CAST: variants seen among roughly 807,000 people sequenced by gnomAD.
CAST encodes the protein calpastatin.
CAST carries 76 observed loss-of-function variants against 119.6 expected under a neutral mutation model. The ratio of observed to expected loss-of-function variants is 0.64; its 90% CI spans 0.53 to 0.77. The LOEUF is 0.77. Ranked by LOEUF, CAST falls within the 30% of genes least tolerant of loss-of-function variation. The pLI is 0.00. For synonymous variants in CAST, 319 were observed against 331.6 expected (o/e 0.96, Z 0.41); for missense variants, 953 against 946.5 (o/e 1.01, Z -0.09).
At chr5:96,704,069 A>G (rs1244530819) in intron 3 of CAST, among the ~76,000 whole-genome samples, 1 of 152,186 alleles carries the variant, frequency 6.6e-6, no homozygotes, top group Non-Finnish European at 1.5e-5. Context: ...AGGAAAGGCC[A>G]CACCTGTAGA....
In CAST at chr5:96,554,882, T is replaced by C. The variant is rs1746203857; in HGVS notation, c.60+25002T>C. Among the ~76,000 whole-genome samples, 4 of 152,258 alleles carry C rather than the reference T, an allele frequency of 2.6e-5. No individual in the cohort carries two copies. In the South Asian group the frequency reaches 8.3e-4, roughly 32 times the overall value. On this transcript the variant is annotated intron_variant, in intron 1 of 11. Transcript: ENST00000505143. ...CATCTCACAGCAGTTAGAATTGGGA[T>C]CATTAAAAAGTCAGGAAACAACAGA...
At chr5:96,720,464 G>A (rs767379559) in intron 3 of CAST, among the ~76,000 whole-genome samples, 6 of 152,324 alleles carry the variant, frequency 3.9e-5, no homozygotes, top group Non-Finnish European at 8.8e-5. Flanking sequence ...AGCCAGAATC[G>A]AATGGATTAA....
chr5:96,518,834 G>A, the CAST span, among the ~76,000 whole-genome samples: 1 of 152,114 alleles, frequency 6.6e-6, no homozygotes, highest in African/African-American at 2.4e-5. Flanking sequence ...CCAAGATGGT[G>A]AAACCCCATT....
the CAST span, among the ~76,000 whole-genome samples, chr5:96,087,387 C>G: frequency 8.5e-5 from 13 of 152,200 alleles, no homozygotes; most frequent in Non-Finnish European, 1.8e-4. Context: ...TAATTTTTTT[C>G]CATTTTTTTA....
intron 30 of CAST, among the ~76,000 whole-genome samples, chr5:96,771,292 A>C (rs1772217348): frequency 6.6e-6 from 1 of 152,176 alleles, no homozygotes. Flanking sequence ...CTTTATGATG[A>C]GTGGATTTAC....
At chr5:96,760,594 T>C (rs1432609952) in intron 24 of CAST, among the ~76,000 whole-genome samples, 17 of 151,920 alleles carry the variant, frequency 1.1e-4, no homozygotes, top group Non-Finnish European at 2.9e-5. Context: ...TTGAATATAT[T>C]TGTGGATAGC....
intron 1 of CAST, among the ~76,000 whole-genome samples, chr5:96,534,452 C>T (rs984190959): frequency 1.4e-5 from 2 of 143,956 alleles, no homozygotes; most frequent in South Asian, 2.3e-4. Flanking sequence ...GGGCGGATTA[C>T]GAGGTCAAGA....
the CAST span, among the ~76,000 whole-genome samples, chr5:96,019,234 A>G: frequency 7.2e-5 from 11 of 152,186 alleles, no homozygotes; most frequent in Non-Finnish European, 1.3e-4. Flanking sequence ...GATCTCTACT[A>G]TTATTGTTAA....
chr5:96,654,473 T>C (rs771125787), intron 1 of CAST, among the ~76,000 whole-genome samples: 7 of 152,226 alleles, frequency 4.6e-5, no homozygotes, highest in Non-Finnish European at 1.0e-4. Flanking sequence ...GCATAGCTAC[T>C]GTATATTACC....
intron 1 of CAST, among the ~76,000 whole-genome samples, chr5:96,616,275 T>C (rs544226029): frequency 1.3e-5 from 2 of 152,288 alleles, no homozygotes; most frequent in African/African-American, 4.8e-5. Context: ...TCTTCATCCA[T>C]AGCTCTAGAA....
At position 96,598,616 on chromosome 5, in the gene CAST, A is replaced by G. The variant is rs142801663; in HGVS notation, c.60+68736A>G. Among the ~76,000 whole-genome samples the G allele has an allele frequency of 9.5e-3, 1,451 of 152,288 alleles. 26 individuals carry two copies. The highest frequency in any genetic ancestry group is 0.033 in the African/African-American group (1,368 of 41,522). ...CGTTTTTCTATGAGAAAAATGGAAAATAATCACTGAGATAGTTAATTTTAT... is the reference window on the plus strand; with the variant it reads ...CGTTTTTCTATGAGAAAAATGGAAAGTAATCACTGAGATAGTTAATTTTAT... On this transcript the variant is annotated intron_variant, in intron 1 of 11. Coordinates refer to the CAST transcript ENST00000505143.
At chr5:96,449,028 T>C in the CAST span, among the ~76,000 whole-genome samples, 2 of 152,186 alleles carry the variant, frequency 1.3e-5, no homozygotes, top group Admixed American at 6.5e-5. Flanking sequence ...ATCCAGCTTC[T>C]CCAAGACAAT....
chr5:96,509,044 T>C, the CAST span, among the ~76,000 whole-genome samples: 1 of 152,230 alleles, frequency 6.6e-6, no homozygotes, highest in African/African-American at 2.4e-5. Flanking sequence ...CACAGGTAAG[T>C]GATATCATTG....
chr5:96,229,430 T>C, the CAST span, among the ~76,000 whole-genome samples: 1 of 151,938 alleles, frequency 6.6e-6, no homozygotes, highest in South Asian at 2.1e-4. Flanking sequence ...AAAGCATCCA[T>C]TGGAAAAAAA....
At chr5:96,561,796 GTTTT>G in intron 1 of CAST, among the ~76,000 whole-genome samples, 1 of 97,422 alleles carries the variant, frequency 1.0e-5, no homozygotes, top group East Asian at 3.6e-4. Flanking sequence ...GTTTTTTTTT[GTTTT>G]TTTTTTTTTT....
At chr5:96,222,138 C>T in the CAST span, among the ~76,000 whole-genome samples, 2 of 152,066 alleles carry the variant, frequency 1.3e-5, no homozygotes, top group African/African-American at 4.8e-5. Flanking sequence ...AAATGTAGGA[C>T]ATGAAACTAT....
At chr5:96,456,975 G>T in the CAST span, among the ~76,000 whole-genome samples, 1 of 152,152 alleles carries the variant, frequency 6.6e-6, no homozygotes, top group Non-Finnish European at 1.5e-5. Flanking sequence ...TGCCATGATT[G>T]TAAGTTTCCT....
At chr5:96,523,501 C>T (rs1168021671), upstream of CAST, among the ~76,000 whole-genome samples, 2 of 152,208 alleles carry the variant, frequency 1.3e-5, no homozygotes, top group Non-Finnish European at 2.9e-5. Flanking sequence ...AGCTTGTGTG[C>T]CCGACTCTCT....
chr5:96,613,428 A>G (rs764456593), intron 1 of CAST, among the ~76,000 whole-genome samples: 35 of 152,132 alleles, frequency 2.3e-4, no homozygotes, highest in Admixed American at 9.8e-4. Flanking sequence ...AGATTTTGTA[A>G]TACTACTATT....
Sources: gnomAD v4.1 joint callset for allele counts (sites outside exome capture counted in the v4.1 genomes callset) on GRCh38, gnomAD v4.1.1 for gene constraint, MANE v1.5 for transcripts, NCBI Gene and HGNC (gene_info 2026-07-23, HGNC 2026-07-21) for gene names.